Variants in CSMD1 observed in about 807,000 individuals in gnomAD.
CSMD1 encodes CUB and Sushi multiple domains 1.
CSMD1 carries 213 observed loss-of-function variants against 417.5 expected under a neutral mutation model. The ratio of observed to expected loss-of-function variants is 0.51; its 90% confidence interval spans 0.46 to 0.57. The LOEUF (loss-of-function observed/expected upper bound fraction) is 0.57, where lower values mean the gene tolerates loss of function less well. Ranked by LOEUF, CSMD1 falls within the 20% of genes least tolerant of loss-of-function variation. The probability of loss-of-function intolerance (pLI) is 0.00; values close to 1 mark genes in which losing one functional copy is unlikely to be tolerated. For missense variants in CSMD1, 6,923 were observed against 4,529.7 expected (o/e 1.53, Z -15.17); for synonymous variants, 2,862 against 1,736.8 (o/e 1.65, Z -16.11).
chr8:4,148,085 G>C (rs1563187111), intron 3 of CSMD1, among the ~76,000 whole-genome samples: 2 of 152,154 alleles, frequency 1.3e-5, no homozygotes, highest in South Asian at 4.1e-4. Context: ...CTTTTCTCTT[G>C]AAAAACATAA....
At chr8:3,454,230 G>T (rs1341125776) in intron 12 of CSMD1, among the ~76,000 whole-genome samples, 1 of 152,172 alleles carries the variant, frequency 6.6e-6, no homozygotes, top group African/African-American at 2.4e-5. Context: ...TGGGTCTCCT[G>T]AATATAGCAC....
intron 17 of CSMD1, among the ~76,000 whole-genome samples, chr8:3,388,173 G>A (rs898788047): frequency 6.6e-6 from 1 of 152,102 alleles, no homozygotes; most frequent in African/African-American, 2.4e-5. Context: ...ATTAAAAACT[G>A]TGCTAGTGTT....
At chr8:3,494,333 A>C (rs1466781923) in intron 10 of CSMD1, among the ~76,000 whole-genome samples, 1 of 152,208 alleles carries the variant, frequency 6.6e-6, no homozygotes, top group Non-Finnish European at 1.5e-5. Flanking sequence ...GTATATTATA[A>C]TCTATTAACT....
chr8:4,844,135 A>C (rs1800998642), intron 1 of CSMD1, among the ~76,000 whole-genome samples: 1 of 152,168 alleles, frequency 6.6e-6, no homozygotes, highest in African/African-American at 2.4e-5. Flanking sequence ...TGATTTACAA[A>C]TCATATTTTT....
intron 1 of CSMD1, among the ~76,000 whole-genome samples, chr8:4,828,270 C>A (rs1030939579): frequency 1.3e-5 from 2 of 152,140 alleles, no homozygotes; most frequent in African/African-American, 4.8e-5. Flanking sequence ...GCACTTAGTA[C>A]TTTTGTTACC....
At chr8:3,922,717 C>A (rs1055654428) in intron 5 of CSMD1, among the ~76,000 whole-genome samples, 2 of 151,938 alleles carry the variant, frequency 1.3e-5, no homozygotes, top group Admixed American at 1.3e-4. Context: ...CTATCTACAT[C>A]TTTTTTATAT....
At chr8:4,961,439 T>G (rs928316022) in intron 1 of CSMD1, among the ~76,000 whole-genome samples, 2 of 152,166 alleles carry the variant, frequency 1.3e-5, no homozygotes, top group African/African-American at 4.8e-5. Flanking sequence ...TGAAATGTCC[T>G]CTTCTAGTTG....
chr8:4,328,902 T>C (rs1799707470), intron 3 of CSMD1, among the ~76,000 whole-genome samples: 1 of 152,212 alleles, frequency 6.6e-6, no homozygotes, highest in Admixed American at 6.6e-5. Context: ...CATTTGTATA[T>C]ATTGGTAGTG....
intron 8 of CSMD1, among the ~76,000 whole-genome samples, chr8:3,614,076 G>C (rs115909807): frequency 6.6e-6 from 1 of 151,830 alleles, no homozygotes; most frequent in Non-Finnish European, 1.5e-5. Context: ...GTATATATTC[G>C]TATACACATA....
At chr8:4,788,439 C>A in intron 1 of CSMD1, 1 of 1,324,586 alleles carries the variant, frequency 7.5e-7, no homozygotes, top group Non-Finnish European at 1.1e-6. Flanking sequence ...TGTTCAACCA[C>A]ACTTTCTCCA....
intron 15 of CSMD1, 141 bp downstream of exon 15, chr8:3,405,886 A>G (rs1585115362): frequency 1.4e-6 from 1 of 722,364 alleles, no homozygotes; most frequent in Non-Finnish European, 2.2e-6. Flanking sequence ...GAGACTGTAC[A>G]CTCCTGTTGG....
At chr8:4,252,853 T>G (rs532329474) in intron 3 of CSMD1, among the ~76,000 whole-genome samples, 20 of 152,310 alleles carry the variant, frequency 1.3e-4, no homozygotes, top group Non-Finnish European at 2.8e-4. Flanking sequence ...AGCAGCCTTC[T>G]TGGGACCATG....
At chr8:4,948,039 G>C (rs13248510) in intron 1 of CSMD1, among the ~76,000 whole-genome samples, 149,089 of 152,146 alleles carry the variant, frequency 0.98, 73,097 homozygotes, top group East Asian at 1. Flanking sequence ...TCACTTTTCT[G>C]TAGGAATGTA....
At chr8:3,934,279 T>G (rs1810340789) in intron 5 of CSMD1, among the ~76,000 whole-genome samples, 1 of 152,210 alleles carries the variant, frequency 6.6e-6, no homozygotes, top group African/African-American at 2.4e-5. Flanking sequence ...TTCATCAATT[T>G]AATCTGAACC....
intron 49 of CSMD1, among the ~76,000 whole-genome samples, chr8:3,068,710 G>C (rs545548511): frequency 6.6e-6 from 1 of 152,138 alleles, no homozygotes; most frequent in African/African-American, 2.4e-5. Flanking sequence ...AGAGTTGAGG[G>C]GGAAGTGCCA....
intron 3 of CSMD1, among the ~76,000 whole-genome samples, chr8:4,232,083 G>C (rs900292814): frequency 1.3e-5 from 2 of 152,182 alleles, no homozygotes; most frequent in Admixed American, 6.5e-5. Flanking sequence ...AATTATTGTA[G>C]TACTTGATCA....
At chr8:3,025,722 A>T (rs1473915317) in intron 51 of CSMD1, among the ~76,000 whole-genome samples, 1 of 152,232 alleles carries the variant, frequency 6.6e-6, no homozygotes, top group Non-Finnish European at 1.5e-5. Context: ...CCACACATTA[A>T]GGGGCTTTGA....
chr8:4,721,223 G>C (rs1223811953), intron 1 of CSMD1, among the ~76,000 whole-genome samples: 1 of 152,110 alleles, frequency 6.6e-6, no homozygotes, highest in Non-Finnish European at 1.5e-5. Context: ...CTGAAACATA[G>C]GAATTGTGTT....
chr8:4,220,606 G>A (rs117631407), intron 3 of CSMD1, among the ~76,000 whole-genome samples: 2,675 of 152,304 alleles, frequency 0.018, 36 homozygotes, highest in Middle Eastern at 0.034. Context: ...GGGTCCATGT[G>A]AGAGGAAGGA....
Sources: gnomAD v4.1 joint callset for allele counts (sites outside exome capture counted in the v4.1 genomes callset) on GRCh38, gnomAD v4.1.1 for gene constraint, MANE v1.5 for transcripts, NCBI Gene and HGNC (gene_info 2026-07-23, HGNC 2026-07-21) for gene names.